SIK3: variants seen among roughly 807,000 people sequenced by gnomAD.
SIK3 encodes the protein SIK family kinase 3.
SIK3 carries 28 observed loss-of-function variants against 144.2 expected under a neutral mutation model. That is an observed-to-expected ratio of 0.19 (90% CI 0.14 to 0.27). The LOEUF is 0.27. Ranked by LOEUF, SIK3 falls within the 10% of genes least tolerant of loss-of-function variation. The pLI, the probability that SIK3 is intolerant of heterozygous loss-of-function variation, is 1.00. For missense variants in SIK3, 1,319 were observed against 1,776.0 expected (o/e 0.74, Z 4.62); for synonymous variants, 686 against 676.3 (o/e 1.01, Z -0.22).
chr11:117,022,877 A>C (rs1423249387), intron 1 of SIK3, among the ~76,000 whole-genome samples: 1 of 152,024 alleles, frequency 6.6e-6, no homozygotes, highest in Admixed American at 6.6e-5. Context: ...TAATATTGTA[A>C]GTGAAAAACC....
Position 116,847,564 on chromosome 11 carries a change from T to C in SIK3, c.3864A>G (p.Lys1288=), listed in dbSNP as rs1421559446. The part of the protein sequence containing the change: ...NLPGMSLVAG[K]ALSSARMSDA... ...CCGACATCCGGGCAGAGCTAAGTGC[T>C]TTCCCAGCCACGAGACTCATTCCTG... Residue 1288 remains lysine, a synonymous_variant, in exon 23 of 25, where the codon AAA becomes AAG. Coordinates refer to ENST00000445177, the MANE Select transcript of SIK3 (RefSeq NM_001366686.3). 1.9e-6 allele frequency: 3 copies of C among 1,614,076 alleles called. No homozygotes were observed. The highest frequency in any genetic ancestry group is 1.7e-6 in the Non-Finnish European group (2 of 1,180,044).
In SIK3 at chr11:116,849,982, A is replaced by G. The variant is rs1942301143; in HGVS notation, c.3656-699T>C. ...GTAACACTTACCATGTCCAATTCCA[A>G]ACCCATCCACTTCCCCCATAACCTG... On this transcript the variant is annotated intron_variant, in intron 21 of 24. Coordinates refer to ENST00000445177, the MANE Select transcript of SIK3 (RefSeq NM_001366686.3). The surrounding 1 kb of genome is among the most constrained non-coding windows in gnomAD (Gnocchi z 4.2). 6.6e-6 allele frequency among the ~76,000 whole-genome samples: 1 copy of G among 152,116 alleles called. No individual in the cohort carries two copies. The highest frequency in any genetic ancestry group is 1.9e-4 in the East Asian group (1 of 5,194).
intron 1 of SIK3, among the ~76,000 whole-genome samples, chr11:117,038,576 C>G (rs1158757349): frequency 6.6e-6 from 1 of 151,716 alleles, no homozygotes; most frequent in South Asian, 2.1e-4. Context: ...AGGCTGGTAT[C>G]GAACTCCTGA....
At chr11:117,081,612 A>C (rs1954791696) in intron 1 of SIK3, among the ~76,000 whole-genome samples, 1 of 152,244 alleles carries the variant, frequency 6.6e-6, no homozygotes, top group Non-Finnish European at 1.5e-5. Flanking sequence ...CGACAGAGCG[A>C]GACTCCGTCT....
rs35279676 is a variant in SIK3 at position 117,005,336 on chromosome 11, GAA to G, written c.274-48274_274-48273del. The stretch of plus-strand genomic sequence containing the variant: ...GGTGACAGAGCGAGACCCCGTCTCA[GAA>G]AAAAAAAAAAAAAAAAAAAAAAAGA... On this transcript the variant is annotated intron_variant, in intron 1 of 24. Transcript: ENST00000445177. 8.4e-4 allele frequency among the ~76,000 whole-genome samples: 47 copies of G among 55,976 alleles called. No individual in the cohort carries two copies. The South Asian group carries it at 0.013, about 16-fold the overall frequency. 36.7% of individuals were successfully genotyped at this position (55,976 alleles called of 152,430 possible). A position where few individuals can be genotyped will look rare whatever the true frequency, so the allele number is the denominator to read the frequency against.
At chr11:116,909,371 CA>C (rs199804947) in intron 4 of SIK3, among the ~76,000 whole-genome samples, 1 of 150,466 alleles carries the variant, frequency 6.6e-6, no homozygotes, top group African/African-American at 2.4e-5. Flanking sequence ...CACAAAAGTA[CA>C]AAAAAAATTT....
chr11:116,986,914 C>T (rs1006739156), intron 1 of SIK3, among the ~76,000 whole-genome samples: 1 of 152,112 alleles, frequency 6.6e-6, no homozygotes, highest in Non-Finnish European at 1.5e-5. Context: ...CAAATACTGG[C>T]TCAAACTCAT....
chr11:117,043,250 A>C (rs1952821314), intron 1 of SIK3, among the ~76,000 whole-genome samples: 1 of 152,222 alleles, frequency 6.6e-6, no homozygotes, highest in Non-Finnish European at 1.5e-5. Context: ...ACTGAAATAA[A>C]AATAGATAAA....
intron 1 of SIK3, among the ~76,000 whole-genome samples, chr11:117,019,171 C>T (rs1297767778): frequency 1.3e-5 from 2 of 151,872 alleles, no homozygotes; most frequent in Admixed American, 6.6e-5. Context: ...AGGTGCACAC[C>T]GCCACACCTG....
chr11:117,073,320 C>G (rs990367271), intron 1 of SIK3, among the ~76,000 whole-genome samples: 5 of 152,168 alleles, frequency 3.3e-5, no homozygotes. Context: ...GACAAGTTGT[C>G]TGGTTACATG....
At chr11:116,894,450 A>G (rs756405440) in intron 6 of SIK3, among the ~76,000 whole-genome samples, 2 of 152,204 alleles carry the variant, frequency 1.3e-5, no homozygotes, top group Non-Finnish European at 2.9e-5. Flanking sequence ...AAATGTAAGT[A>G]TTCTTCCCCA....
intron 1 of SIK3, among the ~76,000 whole-genome samples, chr11:116,991,447 A>G (rs181177224): frequency 1.3e-5 from 2 of 152,302 alleles, no homozygotes; most frequent in East Asian, 3.9e-4. Context: ...GCGCTGTCTC[A>G]AAACAAACAA....
At chr11:117,086,799 A>T (rs1231835192) in intron 1 of SIK3, among the ~76,000 whole-genome samples, 1 of 152,010 alleles carries the variant, frequency 6.6e-6, no homozygotes, top group Non-Finnish European at 1.5e-5. Flanking sequence ...GTTGGAGAGC[A>T]GCCTGACTAA....
chr11:116,883,493 T>C (rs1169408125), intron 6 of SIK3, among the ~76,000 whole-genome samples: 3 of 152,192 alleles, frequency 2.0e-5, no homozygotes, highest in East Asian at 3.9e-4. Flanking sequence ...GAATCTTCAC[T>C]CTGCTTGTGG....
At chr11:117,030,649 T>A (rs1434123176) in intron 1 of SIK3, among the ~76,000 whole-genome samples, 1 of 152,178 alleles carries the variant, frequency 6.6e-6, no homozygotes, top group Admixed American at 6.5e-5. Flanking sequence ...ATTTACTGAA[T>A]TTAATGATAT....
intron 1 of SIK3, among the ~76,000 whole-genome samples, chr11:116,959,792 A>G (rs1202229902): frequency 6.6e-6 from 1 of 152,170 alleles, no homozygotes; most frequent in Non-Finnish European, 1.5e-5. Flanking sequence ...GACTTACCAT[A>G]TTTTCAACTT....
At chr11:116,947,190 T>TAATATATAAATTATTATTTATATATAA (rs1948669076) in intron 3 of SIK3, among the ~76,000 whole-genome samples, 1 of 124,792 alleles carries the variant, frequency 8.0e-6, no homozygotes, top group Non-Finnish European at 1.6e-5. Context: ...ATATAATATA[T>TAATATATAAATTATTATTTATATATAA]TATATACAAA....
At chr11:116,933,948 G>A (rs573455722) in intron 3 of SIK3, among the ~76,000 whole-genome samples, 1 of 152,250 alleles carries the variant, frequency 6.6e-6, no homozygotes, top group Admixed American at 6.5e-5. Context: ...CTGCCACAGG[G>A]CCTTTGTTCT....
At chr11:117,085,965 A>C (rs1954985777) in intron 1 of SIK3, among the ~76,000 whole-genome samples, 1 of 152,234 alleles carries the variant, frequency 6.6e-6, no homozygotes, top group South Asian at 2.1e-4. Context: ...ATAAAAAAGA[A>C]AAACCAAAAA....
Sources: gnomAD v4.1 joint callset for allele counts (sites outside exome capture counted in the v4.1 genomes callset) on GRCh38, gnomAD v4.1.1 for gene constraint, Gnocchi (gnomAD v3.1) non-coding constraint, MANE v1.5 for transcripts, NCBI Gene and HGNC (gene_info 2026-07-23, HGNC 2026-07-21) for gene names.